The following PRR16 variants were observed in gnomAD, a reference collection of about 807,000 sequenced individuals.
The protein encoded by PRR16 is proline rich 16.
A neutral mutation model predicts 18.2 loss-of-function variants in PRR16; 6 were observed. The observed-to-expected ratio is 0.33, with a 90% CI of 0.18 to 0.65. PRR16 has a LOEUF of 0.65. Ranked by LOEUF, PRR16 falls within the 30% of genes least tolerant of loss-of-function variation. The pLI is 0.74. For synonymous variants in PRR16, 151 were observed against 147.8 expected (o/e 1.02, Z -0.16); for missense variants, 412 against 376.6 (o/e 1.09, Z -0.78).
the PRR16 span, among the ~76,000 whole-genome samples, chr5:120,757,813 A>T: frequency 7.5e-6 from 1 of 133,070 alleles, no homozygotes; most frequent in South Asian, 2.4e-4. Flanking sequence ...AGTGACTGAT[A>T]TACTCAAAAT....
chr5:120,561,544 G>A lies in PRR16; in HGVS notation c.159+96899G>A, dbSNP rs1404086437. ...TGTTTTGTTCCCTAACATACAGTCT[G>A]TTCTTGAGAATGACCCATATGCTGA... is the stretch of plus-strand genomic sequence containing the variant. On this transcript the variant is annotated intron_variant, in intron 1 of 1. Transcript: ENST00000407149. 5.3e-5 allele frequency among the ~76,000 whole-genome samples: 8 copies of A among 152,032 alleles called. No homozygotes were observed. The South Asian group carries it at 1.4e-3, about 28-fold the overall frequency.
chr5:120,682,186 G>A (rs1278902883), intron 1 of PRR16, among the ~76,000 whole-genome samples: 3 of 152,094 alleles, frequency 2.0e-5, no homozygotes, highest in Non-Finnish European at 2.9e-5. Flanking sequence ...TCTGTCAGAG[G>A]ACCTTTATCA....
chr5:120,559,753 C>A (rs1016029557), intron 1 of PRR16, among the ~76,000 whole-genome samples: 2 of 151,822 alleles, frequency 1.3e-5, no homozygotes, highest in Non-Finnish European at 2.9e-5. Flanking sequence ...GTAGTATGAA[C>A]ATTTTAACAT....
At chr5:120,775,840 G>A in the PRR16 span, among the ~76,000 whole-genome samples, 1 of 137,242 alleles carries the variant, frequency 7.3e-6, no homozygotes. Context: ...TAGAGATGGG[G>A]TTTCACCATG....
intron 1 of PRR16, among the ~76,000 whole-genome samples, chr5:120,621,869 G>C (rs537679674): frequency 6.6e-6 from 1 of 152,256 alleles, no homozygotes; most frequent in East Asian, 1.9e-4. Flanking sequence ...CAAGTCTTGG[G>C]CAGTTCTTTT....
intron 1 of PRR16, among the ~76,000 whole-genome samples, chr5:120,492,052 C>A (rs1366818125): frequency 6.6e-6 from 1 of 150,918 alleles, no homozygotes; most frequent in East Asian, 1.9e-4. Context: ...AGTGTTCAAT[C>A]TCTTTGTTCA....
intron 1 of PRR16, among the ~76,000 whole-genome samples, chr5:120,669,696 C>T (rs530286115): frequency 1.5e-4 from 23 of 152,036 alleles, no homozygotes; most frequent in African/African-American, 3.6e-4. Context: ...TTAATTTAAA[C>T]GTCACAATTG....
chr5:120,472,726 GA>G lies in PRR16; in HGVS notation c.159+8088del, dbSNP rs199895575. Reference sequence around the variant, plus strand: ...GTGGTTTGATGTTTTTTATGTAGGGGAAAAAAATGAGTGGCATATCAACAGT... The same window carrying G: ...GTGGTTTGATGTTTTTTATGTAGGGGAAAAAATGAGTGGCATATCAACAGT... On this transcript the variant is annotated intron_variant, in intron 1 of 1. Coordinates refer to ENST00000407149, the MANE Select transcript of PRR16 (RefSeq NM_001300783.2). 3.1e-3 allele frequency among the ~76,000 whole-genome samples: 469 copies of G among 152,132 alleles called. 4 individuals carry two copies. Among genetic ancestry groups the G allele is most frequent in the African/African-American group, 0.011 (452 of 41,508 alleles).
chr5:120,730,173 A>G, the PRR16 span, among the ~76,000 whole-genome samples: 24 of 152,118 alleles, frequency 1.6e-4, no homozygotes, highest in African/African-American at 4.8e-4. Context: ...AGCAGTGACA[A>G]TGGAGTATTT....
the PRR16 span, among the ~76,000 whole-genome samples, chr5:120,765,988 A>G: frequency 4.0e-5 from 6 of 150,890 alleles, no homozygotes. Context: ...ACCACAATTT[A>G]TTTATCCATT....
chr5:120,618,872 A>G (rs1754598010), intron 1 of PRR16, among the ~76,000 whole-genome samples: 1 of 152,022 alleles, frequency 6.6e-6, no homozygotes, highest in Admixed American at 6.6e-5. Flanking sequence ...ACCTTATTCA[A>G]TGGAATTCAT....
chr5:120,763,492 A>G, the PRR16 span, among the ~76,000 whole-genome samples: 2 of 152,162 alleles, frequency 1.3e-5, no homozygotes, highest in Admixed American at 1.3e-4. Flanking sequence ...AGGTAATGTG[A>G]TACTTACAGT....
chr5:120,677,586 A>G (rs1444391248), intron 1 of PRR16, among the ~76,000 whole-genome samples: 2 of 152,198 alleles, frequency 1.3e-5, no homozygotes, highest in African/African-American at 4.8e-5. Flanking sequence ...AATCTTAAAG[A>G]TCTTACAGGA....
At chr5:120,740,349 T>C in the PRR16 span, among the ~76,000 whole-genome samples, 5 of 152,102 alleles carry the variant, frequency 3.3e-5, no homozygotes, top group East Asian at 1.9e-4. Context: ...ACATTTTCTT[T>C]ATGGCTTTTG....
the PRR16 span, among the ~76,000 whole-genome samples, chr5:120,779,107 C>G: frequency 6.6e-6 from 1 of 152,018 alleles, no homozygotes; most frequent in Non-Finnish European, 1.5e-5. Flanking sequence ...CACACGTTAA[C>G]ATTAGATTCC....
At chr5:120,619,388 G>T (rs1352487957) in intron 1 of PRR16, among the ~76,000 whole-genome samples, 1 of 152,090 alleles carries the variant, frequency 6.6e-6, no homozygotes, top group Non-Finnish European at 1.5e-5. Flanking sequence ...AATGTGCAAT[G>T]TCTTTCCATA....
the PRR16 span, among the ~76,000 whole-genome samples, chr5:120,693,240 TACTC>T: frequency 2.7e-3 from 416 of 152,322 alleles, no homozygotes; most frequent in Admixed American, 3.7e-3. Context: ...ATAGAGCACT[TACTC>T]AACCAGGTTT....
chr5:120,672,281 T>TGTGTGG (rs1561607771), intron 1 of PRR16, among the ~76,000 whole-genome samples: 2 of 111,618 alleles, frequency 1.8e-5, no homozygotes, highest in Non-Finnish European at 3.7e-5. Flanking sequence ...TGTGTGTGTG[T>TGTGTGG]TGTGGGGGGA....
the PRR16 span, among the ~76,000 whole-genome samples, chr5:120,771,215 A>G: frequency 6.6e-6 from 1 of 152,180 alleles, no homozygotes; most frequent in East Asian, 1.9e-4. Flanking sequence ...AAACATTTTA[A>G]AGATTATAGG....
Sources: allele counts gnomAD v4.1 joint callset (sites outside exome capture counted in the v4.1 genomes callset), GRCh38; gene constraint gnomAD v4.1.1; transcripts MANE v1.5; gene names NCBI Gene and HGNC (gene_info 2026-07-23, HGNC 2026-07-21).